The following RBFOX3 variants were observed in gnomAD, a reference collection of about 807,000 sequenced individuals.
RBFOX3 encodes the protein RNA binding protein fox-1 homolog 3.
RBFOX3 carries 17 observed loss-of-function variants against 48.7 expected under a neutral mutation model. The ratio of observed to expected loss-of-function variants is 0.35; its 90% confidence interval spans 0.24 to 0.52. The LOEUF (loss-of-function observed/expected upper bound fraction) is 0.52, where lower values mean the gene tolerates loss of function less well. Among genes scored for constraint, RBFOX3 ranks in the 20% least tolerant of loss-of-function variants. RBFOX3 has a pLI of 0.94. For synonymous variants in RBFOX3, 212 were observed against 209.5 expected, an observed-to-expected ratio of 1.01 and a Z score of -0.10; for missense variants, 382 against 497.5, an observed-to-expected ratio of 0.77 and a Z score of 2.21.
intron 3 of RBFOX3, among the ~76,000 whole-genome samples, chr17:79,240,393 G>A (rs539227955): frequency 6.6e-6 from 1 of 152,368 alleles, no homozygotes; most frequent in African/African-American, 2.4e-5. Flanking sequence ...ATAGATGCAA[G>A]TTACTTGATT....
chr17:79,585,530 C>A (rs2093220714), intron 1 of RBFOX3, among the ~76,000 whole-genome samples: 1 of 151,960 alleles, frequency 6.6e-6, no homozygotes, highest in African/African-American at 2.4e-5. Flanking sequence ...GCACTCCAGC[C>A]TGGGCGACAA....
chr17:79,403,579 G>C (rs1411678028), intron 2 of RBFOX3, among the ~76,000 whole-genome samples: 2 of 152,188 alleles, frequency 1.3e-5, no homozygotes, highest in Non-Finnish European at 2.9e-5. Context: ...AGCCACTGAG[G>C]GCTGTGCTGT....
intron 3 of RBFOX3, among the ~76,000 whole-genome samples, chr17:79,300,944 G>T (rs1480642334): frequency 6.6e-6 from 1 of 152,190 alleles, no homozygotes; most frequent in Non-Finnish European, 1.5e-5. Flanking sequence ...CCCAAACAGG[G>T]GAGGCATGGA....
rs1173982757 is a variant in RBFOX3 at position 79,212,817 on chromosome 17, G to C, written c.-34+22949C>G. Among the ~76,000 whole-genome samples, 2 of 152,134 alleles carry C rather than the reference G, an allele frequency of 1.3e-5. No individual in the cohort carries two copies. Among genetic ancestry groups the C allele is most frequent in the Non-Finnish European group, 2.9e-5 (2 of 68,020 alleles). ...AGCCAGGCCCATTCTCTCCCTTAGGGGACCCAGACAACTTCCTGGGGCCTG... is the reference window on the plus strand; with the variant it reads ...AGCCAGGCCCATTCTCTCCCTTAGGCGACCCAGACAACTTCCTGGGGCCTG... On this transcript the variant is annotated intron_variant, in intron 4 of 14. Coordinates refer to ENST00000693108, the MANE Select transcript of RBFOX3 (RefSeq NM_001350451.2). The surrounding 1 kb of genome is among the most constrained non-coding windows in gnomAD (Gnocchi z 4.7).
At chr17:79,108,593 A>T (rs2077886198) in intron 5 of RBFOX3, among the ~76,000 whole-genome samples, 1 of 152,188 alleles carries the variant, frequency 6.6e-6, no homozygotes. Flanking sequence ...CACTACAGCT[A>T]AGTGGCCACA....
the RBFOX3 span, among the ~76,000 whole-genome samples, chr17:79,617,344 C>T: frequency 6.6e-6 from 1 of 152,112 alleles, no homozygotes; most frequent in South Asian, 2.1e-4. Flanking sequence ...CCCCTAGATG[C>T]TCTTCTCTCC....
At position 79,242,293 on chromosome 17, in the gene RBFOX3, C is replaced by T. The variant is rs2062500330; in HGVS notation, c.-73-6488G>A. Among the ~76,000 whole-genome samples the T allele has an allele frequency of 6.6e-6, 1 of 152,048 alleles. No individual in the cohort carries two copies. ...GCTTTGAGAAACTCCCAGTGCACCA[C>T]TCTCTTGTGTTACTTCAGATTTTAT... On this transcript the variant is annotated intron_variant, in intron 3 of 14. Transcript: ENST00000693108. This position sits in a 1 kb window ranked among gnomAD's most constrained non-coding sequence, Gnocchi z 5.8.
In RBFOX3 at chr17:79,103,685, C is replaced by T. The variant is rs373323042; in HGVS notation, c.414+388G>A. On this transcript the variant is annotated intron_variant, in intron 7 of 14. Coordinates refer to ENST00000693108, the MANE Select transcript of RBFOX3 (RefSeq NM_001350451.2). This position sits in a 1 kb window ranked among gnomAD's most constrained non-coding sequence, Gnocchi z 6.1. Reference sequence around the variant, plus strand: ...TCGGAGCCCAGGGTAGAGGGTCGTGCCTTCCTGGAAGGGGAGTAGGGCTTG... The same window carrying T: ...TCGGAGCCCAGGGTAGAGGGTCGTGTCTTCCTGGAAGGGGAGTAGGGCTTG... Among the ~76,000 whole-genome samples, 162 of 152,190 alleles carry T rather than the reference C, an allele frequency of 1.1e-3. 5 individuals are homozygous for T. In the South Asian group the frequency reaches 0.032, roughly 30 times the overall value.
intron 2 of RBFOX3, among the ~76,000 whole-genome samples, chr17:79,401,829 C>G (rs1362698762): frequency 1.3e-5 from 2 of 152,234 alleles, no homozygotes; most frequent in Non-Finnish European, 2.9e-5. Context: ...GCTTGACACA[C>G]CAGCCCCAGC....
At chr17:79,622,504 A>G in the RBFOX3 span, among the ~76,000 whole-genome samples, 1 of 152,164 alleles carries the variant, frequency 6.6e-6, no homozygotes, top group Non-Finnish European at 1.5e-5. Context: ...AGGACCGCAG[A>G]CTGTGGATGT....
At chr17:79,567,138 G>A (rs932395534) in intron 1 of RBFOX3, among the ~76,000 whole-genome samples, 1 of 148,332 alleles carries the variant, frequency 6.7e-6, no homozygotes, top group Non-Finnish European at 1.5e-5. Flanking sequence ...GAGTTCCCAC[G>A]TATGAGTGAG....
At chr17:79,621,477 G>A in the RBFOX3 span, among the ~76,000 whole-genome samples, 1 of 152,164 alleles carries the variant, frequency 6.6e-6, no homozygotes, top group Non-Finnish European at 1.5e-5. Context: ...AATAACCATA[G>A]TAAAAGCACG....
chr17:79,234,295 G>C (rs4789963), intron 4 of RBFOX3: 1 of 152,140 alleles, frequency 6.6e-6, no homozygotes, highest in Non-Finnish European at 1.5e-5. Context: ...GAGTGGCTCC[G>C]AGGTGACCTG....
At chr17:79,486,331 T>C (rs35342117) in intron 1 of RBFOX3, among the ~76,000 whole-genome samples, 70,846 of 151,776 alleles carry the variant, frequency 0.47, 17,224 homozygotes, top group South Asian at 0.58. Context: ...GAGTGAGCTG[T>C]GTCCTCCTCA....
chr17:79,324,095 C>T (rs1295751823), intron 2 of RBFOX3, among the ~76,000 whole-genome samples: 1 of 152,114 alleles, frequency 6.6e-6, no homozygotes, highest in African/African-American at 2.4e-5. Context: ...ACACAGCTCA[C>T]CTTAGCTCTG....
the RBFOX3 span, among the ~76,000 whole-genome samples, chr17:79,620,457 A>G: frequency 1.2e-3 from 176 of 149,292 alleles, 1 homozygote; most frequent in Middle Eastern, 7.1e-3. Flanking sequence ...ACACATGCGC[A>G]CACACATGCA....
At chr17:79,173,554 CT>C (rs1206413621) in intron 4 of RBFOX3, among the ~76,000 whole-genome samples, 2 of 152,196 alleles carry the variant, frequency 1.3e-5, no homozygotes, top group South Asian at 2.1e-4. Context: ...TTAAATGCCC[CT>C]GATGCCTTTA....
At position 79,150,014 on chromosome 17, in the gene RBFOX3, A is replaced by ATGGGGGTTGAGGGTGGGGGTGGGGG. The variant is rs2044006284; in HGVS notation, c.-33-34267_-33-34266insCCCCCACCCCCACCCTCAACCCCCA. Among the ~76,000 whole-genome samples the ATGGGGGTTGAGGGTGGGGGTGGGGG allele has an allele frequency of 5.7e-3, 33 of 5,832 alleles. 1 individual carries two copies. Among genetic ancestry groups the ATGGGGGTTGAGGGTGGGGGTGGGGG allele is most frequent in the African/African-American group, 0.021 (30 of 1,434 alleles). 3.8% of individuals were successfully genotyped at this position (5,832 alleles called of 152,430 possible). A position where few individuals can be genotyped will look rare whatever the true frequency, so the allele number is the denominator to read the frequency against. Reference sequence around the variant, plus strand: ...ATGGGGGTGGGGGTGGGGGATGGGGATGGGGGTTGAGGGTGGGGGGTGGGG... The same window carrying ATGGGGGTTGAGGGTGGGGGTGGGGG: ...ATGGGGGTGGGGGTGGGGGATGGGGATGGGGGTTGAGGGTGGGGGTGGGGGTGGGGGTTGAGGGTGGGGGGTGGGG... On this transcript the variant is annotated intron_variant, in intron 4 of 14. Coordinates refer to ENST00000693108, the MANE Select transcript of RBFOX3 (RefSeq NM_001350451.2).
chr17:79,166,473 A>AG, intron 4 of RBFOX3, among the ~76,000 whole-genome samples: 1 of 46,162 alleles, frequency 2.2e-5, no homozygotes, highest in East Asian at 1.1e-3. Context: ...GCCACAGATG[A>AG]AGGGGAGTCC....
Sources: allele counts gnomAD v4.1 joint callset (sites outside exome capture counted in the v4.1 genomes callset), GRCh38; gene constraint gnomAD v4.1.1; non-coding constraint Gnocchi (gnomAD v3.1); transcripts MANE v1.5; gene names NCBI Gene and HGNC (gene_info 2026-07-23, HGNC 2026-07-21).